Variants in BDKRB2 observed in about 807,000 individuals in gnomAD.
BDKRB2 encodes the protein bradykinin receptor B2, also known as B2 bradykinin receptor.
A neutral mutation model predicts 4.0 loss-of-function variants in BDKRB2; 6 were observed. That is an observed-to-expected ratio of 1.49 (90% CI 0.81 to 2.93). BDKRB2 has a LOEUF of 2.93. Among genes scored for constraint, BDKRB2 ranks in the 30% most tolerant of loss-of-function variants. The pLI is 0.00. For synonymous variants in BDKRB2, 225 were observed against 215.3 expected, an observed-to-expected ratio of 1.05 and a Z score of -0.40; for missense variants, 478 against 520.1, an observed-to-expected ratio of 0.92 and a Z score of 0.79.
intron 1 of BDKRB2, among the ~76,000 whole-genome samples, chr14:96,226,254 C>T (rs375139890): frequency 1.3e-5 from 2 of 152,232 alleles, no homozygotes; most frequent in African/African-American, 4.8e-5. Flanking sequence ...CCCACTACCC[C>T]TCTGCCTCGG....
At chr14:96,231,274 G>A (rs1890813062) in intron 1 of BDKRB2, among the ~76,000 whole-genome samples, 1 of 152,198 alleles carries the variant, frequency 6.6e-6, no homozygotes. Flanking sequence ...ATGCTGGAAG[G>A]ACTTACATGT....
intron 1 of BDKRB2, among the ~76,000 whole-genome samples, chr14:96,208,306 A>G (rs757831381): frequency 3.3e-5 from 5 of 152,168 alleles, no homozygotes; most frequent in Non-Finnish European, 7.3e-5. Flanking sequence ...TGACTCTTTC[A>G]TCACAGTGGG....
intron 1 of BDKRB2, chr14:96,214,928 A>G (rs1890383747): frequency 6.6e-6 from 1 of 152,210 alleles, no homozygotes; most frequent in African/African-American, 2.4e-5. Flanking sequence ...TGCAGCAGCG[A>G]ATGCATCAGA....
chr14:96,207,661 T>C (rs1040398798), intron 1 of BDKRB2, among the ~76,000 whole-genome samples: 6 of 152,010 alleles, frequency 3.9e-5, no homozygotes, highest in Admixed American at 3.9e-4. Context: ...AATTGACTGC[T>C]CTTGTGGGGG....
intron 1 of BDKRB2, chr14:96,210,711 C>A (rs777702229): frequency 2.0e-5 from 3 of 152,188 alleles, no homozygotes; most frequent in African/African-American, 7.2e-5. Context: ...ATAAGGATGA[C>A]AATGTTGGCT....
At chr14:96,206,115 A>G (rs1220505072) in intron 1 of BDKRB2, among the ~76,000 whole-genome samples, 1 of 152,236 alleles carries the variant, frequency 6.6e-6, no homozygotes, top group Non-Finnish European at 1.5e-5. Flanking sequence ...CTCTGGAGAA[A>G]AAACTGTGCT....
At chr14:96,238,334 C>A in intron 2 of BDKRB2, 1 of 560,834 alleles carries the variant, frequency 1.8e-6, no homozygotes, top group Non-Finnish European at 2.3e-6. Flanking sequence ...CATGTTATGA[C>A]CTAGCCTCAG....
At chr14:96,227,725 G>A (rs755434320) in intron 1 of BDKRB2, among the ~76,000 whole-genome samples, 12 of 152,078 alleles carry the variant, frequency 7.9e-5, no homozygotes, top group East Asian at 3.9e-4. Flanking sequence ...ACACACATGC[G>A]TGCACACTGT....
chr14:96,240,194 C>T lies in BDKRB2; in HGVS notation c.75-209C>T. On this transcript the variant is annotated intron_variant, in intron 2 of 2. Transcript: ENST00000554311. Reference sequence around the variant, plus strand: ...GCCTCGAGATGAAGAACATGAGGCCCCCGTTTAGATCCAAGGATCAGAGGG... The same window carrying T: ...GCCTCGAGATGAAGAACATGAGGCCTCCGTTTAGATCCAAGGATCAGAGGG... The T allele has an allele frequency of 3.9e-6, 5 of 1,290,388 alleles. No individual in the cohort carries two copies. The South Asian group carries it at 1.3e-4, about 34-fold the overall frequency. 79.9% of individuals were successfully genotyped at this position (1,290,388 alleles called of 1,614,324 possible).
chr14:96,211,749 G>A (rs1890308371), intron 1 of BDKRB2, among the ~76,000 whole-genome samples: 1 of 152,170 alleles, frequency 6.6e-6, no homozygotes, highest in Non-Finnish European at 1.5e-5. Flanking sequence ...GTGTGACCTA[G>A]GGCAAGAGAT....
intron 1 of BDKRB2, among the ~76,000 whole-genome samples, chr14:96,232,889 C>A (rs1002143662): frequency 1.3e-5 from 2 of 152,184 alleles, no homozygotes; most frequent in African/African-American, 4.8e-5. Flanking sequence ...AATATCTTTT[C>A]CTTCTCCACT....
chr14:96,238,560 C>T (rs1448764578), intron 2 of BDKRB2: 1 of 985,650 alleles, frequency 1.0e-6, no homozygotes. Context: ...CCTTAGCACC[C>T]AGTGAAGACC....
At chr14:96,230,278 T>C (rs1890788501) in intron 1 of BDKRB2, among the ~76,000 whole-genome samples, 2 of 152,276 alleles carry the variant, frequency 1.3e-5, no homozygotes, top group Admixed American at 6.5e-5. Flanking sequence ...GGAGGTTTCA[T>C]GTAAAACCAC....
chr14:96,238,165 C>G lies in BDKRB2; in HGVS notation c.74+984C>G, dbSNP rs529580102. ...GGGCCTTGGTTGGAAGATTCAAAGG[C>G]TAGGAAACCAGGAGCCACCAAAAGC... is the stretch of plus-strand genomic sequence containing the variant. On this transcript the variant is annotated intron_variant, in intron 2 of 2. Transcript: ENST00000554311. 376 of 916,272 alleles carry G rather than the reference C, an allele frequency of 4.1e-4. 1 individual carries two copies. The highest frequency in any genetic ancestry group is 2.3e-3 in the South Asian group (47 of 20,350). The allele number at this position is 916,272 out of a possible 1,614,324, so 56.8% of individuals were successfully genotyped here. A position where few individuals can be genotyped will look rare whatever the true frequency, so the allele number is the denominator to read the frequency against.
At chr14:96,237,013 G>A (rs1003871345) in intron 1 of BDKRB2, 56 bp from the exon 2 acceptor site, 2 of 1,034,556 alleles carry the variant, frequency 1.9e-6, no homozygotes, top group African/African-American at 3.1e-5. Flanking sequence ...GAGAATGCGT[G>A]TATTTTGCAA....
intron 1 of BDKRB2, among the ~76,000 whole-genome samples, chr14:96,221,383 C>T (rs931375802): frequency 6.6e-6 from 1 of 152,146 alleles, no homozygotes; most frequent in East Asian, 1.9e-4. Flanking sequence ...CAGCATTGTC[C>T]TGATGCTATT....
chr14:96,208,066 G>A (rs1234093977), intron 1 of BDKRB2, among the ~76,000 whole-genome samples: 1 of 152,164 alleles, frequency 6.6e-6, no homozygotes, highest in Non-Finnish European at 1.5e-5. Flanking sequence ...TGCCCCCACT[G>A]AGCAATGGGT....
chr14:96,222,726 T>C (rs1330545974), intron 1 of BDKRB2, among the ~76,000 whole-genome samples: 1 of 152,106 alleles, frequency 6.6e-6, no homozygotes, highest in Non-Finnish European at 1.5e-5. Context: ...ACTGGTATGC[T>C]AAGTGTAAAT....
chr14:96,212,310 C>G (rs1413461061), intron 1 of BDKRB2, among the ~76,000 whole-genome samples: 1 of 152,178 alleles, frequency 6.6e-6, no homozygotes, highest in East Asian at 1.9e-4. Context: ...TATAAGAACA[C>G]TGCTTACCAA....
Sources: allele counts gnomAD v4.1 joint callset (sites outside exome capture counted in the v4.1 genomes callset), GRCh38; gene constraint gnomAD v4.1.1; transcripts MANE v1.5; gene names NCBI Gene and HGNC (gene_info 2026-07-23, HGNC 2026-07-21).